SPG11: variants seen among roughly 807,000 people sequenced by gnomAD.
SPG11 encodes SPG11 vesicle trafficking associated, spatacsin, also known as spatacsin.
SPG11 carries 222 observed loss-of-function variants against 274.0 expected under a neutral mutation model. That is an observed-to-expected ratio of 0.81 (90% CI 0.73 to 0.91). SPG11 has a LOEUF of 0.91. Ranked by LOEUF, SPG11 falls within the 40% of genes least tolerant of loss-of-function variation. The pLI, the probability that SPG11 is intolerant of heterozygous loss-of-function variation, is 0.00. For synonymous variants in SPG11, 1,144 were observed against 1,039.7 expected (o/e 1.10, Z -1.93); for missense variants, 3,114 against 2,872.7 (o/e 1.08, Z -1.92).
At chr15:44,579,112 T>C in intron 30 of SPG11, among the ~76,000 whole-genome samples, 1 of 150,232 alleles carries the variant, frequency 6.7e-6, no homozygotes. Context: ...GAGCTGAGAT[T>C]GCACCACTGC....
At chr15:44,650,653 A>AG (rs774915968) in intron 6 of SPG11, among the ~76,000 whole-genome samples, 31 of 152,130 alleles carry the variant, frequency 2.0e-4, no homozygotes, top group Non-Finnish European at 3.4e-4. Context: ...ATTAAAAAAA[A>AG]GAGAAATAAA....
Position 44,632,746 on chromosome 15 carries a change from C to T in SPG11, c.1735+759G>A, listed in dbSNP as rs113998570. ...CTGGTCTCAAACTCCTAGACTCAAG[C>T]GATCCTCCCACCTTGGCCCCTAAAG... On this transcript the variant is annotated intron_variant, in intron 8 of 39. Transcript: ENST00000261866. Among the ~76,000 whole-genome samples the T allele has an allele frequency of 7.0e-3, 1,068 of 152,050 alleles. 14 individuals carry two copies. Among genetic ancestry groups the T allele is most frequent in the African/African-American group, 0.024 (993 of 41,448 alleles).
At position 44,583,923 on chromosome 15, in the gene SPG11, T is replaced by C; in HGVS notation, c.5757A>G (p.Ser1919=). ...ALVLHCRALA[S]GEASMEDLHP... The stretch of plus-strand genomic sequence containing the variant: ...GCAGATCCTCCATACTAGCTTCCCC[T>C]GAGGCCAGTGCTCTGCAGTGCAATA... The change falls in exon 30 of 40, where the codon TCA becomes TCG. Residue 1919 remains serine, a synonymous_variant. Coordinates refer to ENST00000261866, the MANE Select transcript of SPG11 (RefSeq NM_025137.4). 1 of 1,614,204 alleles carries C rather than the reference T, an allele frequency of 6.2e-7. No individual in the cohort carries two copies. The highest frequency in any genetic ancestry group is 8.5e-7 in the Non-Finnish European group (1 of 1,180,026).
At chr15:44,614,287 G>A (rs900066510) in intron 16 of SPG11, among the ~76,000 whole-genome samples, 1 of 151,816 alleles carries the variant, frequency 6.6e-6, no homozygotes, top group Non-Finnish European at 1.5e-5. Flanking sequence ...GTGCAGTGGC[G>A]CAAACATGGC....
chr15:44,564,815 C>A, intron 38 of SPG11, 117 bp from the exon 39 acceptor site: 1 of 1,141,802 alleles, frequency 8.8e-7, no homozygotes, highest in Non-Finnish European at 1.3e-6. Context: ...TGATCATTAC[C>A]AATTATGTTA....
intron 30 of SPG11, among the ~76,000 whole-genome samples, chr15:44,581,166 G>T (rs545971785): frequency 2.6e-5 from 4 of 152,266 alleles, no homozygotes; most frequent in African/African-American, 9.6e-5. Context: ...AGGCGAAAAG[G>T]AAGTGAACAA....
At chr15:44,640,668 C>T (rs1442883592) in intron 7 of SPG11, among the ~76,000 whole-genome samples, 1 of 152,156 alleles carries the variant, frequency 6.6e-6, no homozygotes, top group Non-Finnish European at 1.5e-5. Flanking sequence ...CAAATTCATG[C>T]ATATGTGGAA....
chr15:44,565,957 G>C lies in SPG11; in HGVS notation c.6896C>G (p.Thr2299Ser). Residue 2299 changes from threonine to serine, a missense_variant, in exon 38 of 40, where the codon ACT becomes AGT. Physicochemically the swap from Thr to Ser is moderately conservative, Grantham distance 58. Coordinates refer to ENST00000261866, the MANE Select transcript of SPG11 (RefSeq NM_025137.4). ...AGTGTTCAGAAAGTGAATCTGCAGAGTTATCAACTTGGTGAGCCGCTGACA... is the reference window on the plus strand; with the variant it reads ...AGTGTTCAGAAAGTGAATCTGCAGACTTATCAACTTGGTGAGCCGCTGACA... ...QHCQRLTKLI[T>S]LQIHFLNTGQ... 1 of 1,614,060 alleles carries C rather than the reference G, an allele frequency of 6.2e-7. No homozygotes were observed. Among genetic ancestry groups the C allele is most frequent in the Non-Finnish European group, 8.5e-7 (1 of 1,180,036 alleles).
rs756884793 is a variant in SPG11 at position 44,573,550 on chromosome 15, T to C, written c.6202A>G (p.Thr2068Ala). The part of the protein sequence containing the change: ...TRELLTSSQG[T>A]GHKQMFNPTE... ...GAATCCCCGGGGGGTAGGGCACCTG[T>C]TCCCTGTGATGAAGTAAGCAGCTCC... Residue 2068 changes from threonine to alanine, a missense_variant, in exon 32 of 40, where the codon ACA (threonine) becomes GCA (alanine). Coordinates refer to ENST00000261866, the MANE Select transcript of SPG11 (RefSeq NM_025137.4). 6.2e-7 allele frequency: 1 copy of C among 1,614,142 alleles called. No individual in the cohort carries two copies. Among genetic ancestry groups the C allele is most frequent in the South Asian group, 1.1e-5 (1 of 91,066 alleles).
intron 29 of SPG11, 49 bp from the exon 30 acceptor site, chr15:44,584,607 A>C: frequency 6.3e-7 from 1 of 1,588,646 alleles, no homozygotes; most frequent in South Asian, 1.1e-5. Flanking sequence ...ATAAAAAAGT[A>C]TCATAAATGC....
intron 15 of SPG11, among the ~76,000 whole-genome samples, chr15:44,616,076 A>C (rs547937989): frequency 6.6e-6 from 1 of 152,344 alleles, no homozygotes; most frequent in East Asian, 1.9e-4. Flanking sequence ...TGGAGTTTAT[A>C]GAAACATCAT....
rs1396089305 is a variant in SPG11 at position 44,657,109 on chromosome 15, T to A, written c.855A>T (p.Leu285Phe). Residue 285 changes from leucine to phenylalanine, a missense_variant, in exon 4 of 40, where the codon TTA (leucine) becomes TTT (phenylalanine). Transcript: ENST00000261866. ...CATCTACATACCTGAAATACAAATT[T>A]AAGTTAAGAGCAACTGCGGAGTTGG... ...SSSNSAVALN[L>F]NLYFRQHPGH... 6.2e-7 allele frequency: 1 copy of A among 1,614,016 alleles called. No individual in the cohort carries two copies. The highest frequency in any genetic ancestry group is 1.1e-5 in the South Asian group (1 of 91,064).
chr15:44,590,883 T>A (rs1426425009), intron 27 of SPG11: 3 of 152,230 alleles, frequency 2.0e-5, no homozygotes, highest in African/African-American at 7.2e-5. Context: ...AAAGTCATTC[T>A]GAAGGTAAGT....
intron 14 of SPG11, 45 bp downstream of exon 14, chr15:44,621,714 A>G (rs775309148): frequency 6.4e-7 from 1 of 1,556,132 alleles, no homozygotes; most frequent in Admixed American, 1.7e-5. Flanking sequence ...TACCCAATTT[A>G]ATCCTCATTC....
chr15:44,593,125 C>T (rs1467311230), intron 26 of SPG11, among the ~76,000 whole-genome samples: 1 of 152,170 alleles, frequency 6.6e-6, no homozygotes, highest in East Asian at 1.9e-4. Context: ...TTTCTGTCTA[C>T]TCTATACTTG....
intron 19 of SPG11, among the ~76,000 whole-genome samples, chr15:44,607,008 A>G (rs2140996310): frequency 6.6e-6 from 1 of 152,334 alleles, no homozygotes; most frequent in South Asian, 2.1e-4. Flanking sequence ...CATTTATACC[A>G]GTGCTACTCA....
chr15:44,574,895 C>T lies in SPG11; in HGVS notation c.6006+7G>A. On this transcript the variant is annotated splice_region_variant and intron_variant, in intron 31 of 39. Coordinates refer to ENST00000261866, the MANE Select transcript of SPG11 (RefSeq NM_025137.4). ...CAGAAAGAGGAGCCCCACCCCTTGG[C>T]ACATACCTTGGCAAGATCATACAGA... 6.2e-7 allele frequency: 1 copy of T among 1,613,732 alleles called. No individual in the cohort carries two copies. Among genetic ancestry groups the T allele is most frequent in the Non-Finnish European group, 8.5e-7 (1 of 1,180,014 alleles).
intron 28 of SPG11, among the ~76,000 whole-genome samples, chr15:44,586,769 C>G (rs1184965126): frequency 6.6e-6 from 1 of 152,196 alleles, no homozygotes; most frequent in Non-Finnish European, 1.5e-5. Context: ...TTTAGTCATT[C>G]AGACTGGTCT....
At chr15:44,601,799 T>G (rs2083197665) in intron 20 of SPG11, among the ~76,000 whole-genome samples, 1 of 152,090 alleles carries the variant, frequency 6.6e-6, no homozygotes, top group African/African-American at 2.4e-5. Context: ...CCTCGGGTGA[T>G]CTGCCCACCT....
Sources: gnomAD v4.1 joint callset for allele counts (sites outside exome capture counted in the v4.1 genomes callset) on GRCh38, gnomAD v4.1.1 for gene constraint, MANE v1.5 for transcripts, NCBI Gene and HGNC (gene_info 2026-07-23, HGNC 2026-07-21) for gene names.